CFAP46: variants seen among roughly 807,000 people sequenced by gnomAD.
CFAP46 encodes cilia- and flagella-associated protein 46.
CFAP46 carries 245 observed loss-of-function variants against 325.7 expected under a neutral mutation model. The observed-to-expected ratio is 0.75, with a 90% CI of 0.68 to 0.84. The LOEUF is 0.84. Among genes scored for constraint, CFAP46 ranks in the 40% least tolerant of loss-of-function variants. The pLI is 0.00. For missense variants in CFAP46, 3,346 were observed against 3,543.0 expected, an observed-to-expected ratio of 0.94 and a Z score of 1.41; for synonymous variants, 1,523 against 1,495.9, an observed-to-expected ratio of 1.02 and a Z score of -0.42.
chr10:132,892,542 G>A (rs2135446057), intron 24 of CFAP46, 125 bp from the exon 25 acceptor site: 1 of 824,672 alleles, frequency 1.2e-6, no homozygotes, highest in East Asian at 2.7e-5. Context: ...ATTGCCATAA[G>A]CAGCTGTAAA....
intron 24 of CFAP46, chr10:132,898,617 T>C (rs115900032): frequency 1.9e-5 from 7 of 375,402 alleles, no homozygotes; most frequent in Middle Eastern, 4.3e-4. Context: ...CCCTCTCTCA[T>C]GGCAGGTGGG....
rs1203363714 is a variant in CFAP46, at chr10:132,850,357, C to G, written c.5839G>C (p.Gly1947Arg). The change falls in exon 41 of 58, where the codon GGC (glycine) becomes CGC (arginine). Residue 1947 changes from glycine to arginine, a missense_variant. Transcript: ENST00000368586. ...AGCCGGGCGCGGATCTCCACACAGC[C>G]CACGCTCAGCGGCTGCAGGCTCCCC... ...QLGSLQPLSV[G>R]CVEIRARLLG... The G allele has an allele frequency of 6.4e-7, 1 of 1,563,808 alleles. No homozygotes were observed. The highest frequency in any genetic ancestry group is 8.7e-7 in the Non-Finnish European group (1 of 1,153,916).
rs756585273 is a variant in CFAP46, at chr10:132,857,329, C to T, written c.5574+261G>A. Among the ~76,000 whole-genome samples the T allele has an allele frequency of 8.1e-4, 124 of 152,252 alleles. 2 individuals carry two copies. The highest frequency in any genetic ancestry group is 4.8e-3 in the Admixed American group (74 of 15,288). ...TCCATCCTGTGACTCAGGTCACCAG[C>T]GGACTCCACCTGAGCCGCCGTGGTG... On this transcript the variant is annotated intron_variant, in intron 39 of 57. Coordinates refer to ENST00000368586, the MANE Select transcript of CFAP46 (RefSeq NM_001200049.3).
At position 132,919,451 on chromosome 10, in the gene CFAP46, C is replaced by T. The variant is rs1051841795; in HGVS notation, c.1731-9G>A. ...CTGCCCAAATCTGTATCCTGCTCAC[C>T]GAGAACCCAAACGAGTGAAAGGTGA... is the stretch of plus-strand genomic sequence containing the variant. On this transcript the variant is annotated splice_polypyrimidine_tract_variant and intron_variant, in intron 14 of 57. Coordinates refer to ENST00000368586, the MANE Select transcript of CFAP46 (RefSeq NM_001200049.3). This position sits in a 1 kb window ranked among gnomAD's most constrained non-coding sequence, Gnocchi z 9.7. The T allele has an allele frequency of 6.5e-6, 10 of 1,545,066 alleles. No homozygotes were observed. The highest frequency in any genetic ancestry group is 4.0e-5 in the Admixed American group (2 of 49,774).
At chr10:132,862,318 GGGCCGGA>G (rs1298354532) in intron 35 of CFAP46, among the ~76,000 whole-genome samples, 4 of 152,158 alleles carry the variant, frequency 2.6e-5, no homozygotes, top group African/African-American at 9.7e-5. Context: ...CAGCTACAGT[GGGCCGGA>G]GGCCGGCGAC....
chr10:132,854,404 G>A (rs542530356), intron 39 of CFAP46, among the ~76,000 whole-genome samples: 1 of 152,082 alleles, frequency 6.6e-6, no homozygotes, highest in East Asian at 1.9e-4. Flanking sequence ...TGGCGTGATC[G>A]CCACTCACTG....
chr10:132,835,919 T>G (rs983027897), intron 46 of CFAP46, among the ~76,000 whole-genome samples: 1 of 50,118 alleles, frequency 2.0e-5, no homozygotes, highest in African/African-American at 8.2e-5. Context: ...TCCGCTCCCC[T>G]CCCCCTGCTC....
chr10:132,879,353 A>C (rs1332959904), intron 29 of CFAP46, 73 bp downstream of exon 29: 1 of 1,367,034 alleles, frequency 7.3e-7, no homozygotes, highest in Non-Finnish European at 9.7e-7. Flanking sequence ...TACAACGCTC[A>C]CTGCGGTTTC....
chr10:132,846,207 C>A lies in CFAP46; in HGVS notation c.6288G>T (p.Thr2096=). 6.2e-7 allele frequency: 1 copy of A among 1,611,988 alleles called. No homozygotes were observed. The highest frequency in any genetic ancestry group is 8.5e-7 in the Non-Finnish European group (1 of 1,179,626). ...TGGCTGCAAGCAGGACATCCCTCAT[C>A]GTCTCTGAGGCCGAGCAGCTCTGAA... is the stretch of plus-strand genomic sequence containing the variant. The part of the protein sequence containing the change: ...ALSQSCSASE[T]MRDVLLAATA... Residue 2096 remains threonine (T), a synonymous_variant, in exon 44 of 58, where the codon ACG becomes ACT. Transcript: ENST00000368586.
intron 57 of CFAP46, 69 bp downstream of exon 57, chr10:132,810,340 C>A: frequency 7.6e-7 from 1 of 1,309,218 alleles, no homozygotes. Flanking sequence ...CTGTGCAGTG[C>A]ACGTGCCCCA....
At position 132,833,499 on chromosome 10, in the gene CFAP46, T is replaced by C. The variant is rs897869113; in HGVS notation, c.6976A>G (p.Lys2326Glu). Residue 2326 changes from lysine to glutamate, a missense_variant, in exon 50 of 58, where the codon AAG (lysine) becomes GAG (glutamate). Transcript: ENST00000368586. ...HSTVQPEVAD[K>E]IVLVADRHLL... ...TGTCTGTCTGCGACCAGGACTATCTTATCGGCAACCTCAGGCTGGACTGTG... is the reference window on the plus strand; with the variant it reads ...TGTCTGTCTGCGACCAGGACTATCTCATCGGCAACCTCAGGCTGGACTGTG... 2 of 1,613,990 alleles carry C rather than the reference T, an allele frequency of 1.2e-6. No individual in the cohort carries two copies. Among genetic ancestry groups the C allele is most frequent in the Admixed American group, 1.7e-5 (1 of 60,026 alleles).
Position 132,869,413 on chromosome 10 carries a change from G to A in CFAP46, c.4512-41C>T, listed in dbSNP as rs1490433911. 53 of 1,422,018 alleles carry A rather than the reference G, an allele frequency of 3.7e-5. No homozygotes were observed. Among genetic ancestry groups the A allele is most frequent in the Non-Finnish European group, 4.3e-5 (46 of 1,064,912 alleles). 88.1% of individuals were successfully genotyped at this position (1,422,018 alleles called of 1,614,324 possible). On this transcript the variant is annotated intron_variant, in intron 32 of 57. Coordinates refer to ENST00000368586, the MANE Select transcript of CFAP46 (RefSeq NM_001200049.3). This position sits in a 1 kb window ranked among gnomAD's most constrained non-coding sequence, Gnocchi z 6.2. Reference sequence around the variant, plus strand: ...CCGAAAGAGTCAGTGTTGCACGGGCGCAGAGGGAGCCAGAAACGAAGCTAC... The same window carrying A: ...CCGAAAGAGTCAGTGTTGCACGGGCACAGAGGGAGCCAGAAACGAAGCTAC...
At position 132,817,098 on chromosome 10, in the gene CFAP46, TA is replaced by T. The variant is rs1847709961; in HGVS notation, c.7118-2185del. 6.6e-6 allele frequency among the ~76,000 whole-genome samples: 1 copy of T among 152,242 alleles called. No homozygotes were observed. Among genetic ancestry groups the T allele is most frequent in the South Asian group, 2.1e-4 (1 of 4,834 alleles). Reference sequence around the variant, plus strand: ...TGGACCGTCAGTAATCCAGGCGTGGTAAAATCTCCCAGCGTTGGGGCTGGCC... The same window carrying T: ...TGGACCGTCAGTAATCCAGGCGTGGTAAATCTCCCAGCGTTGGGGCTGGCC... On this transcript the variant is annotated intron_variant, in intron 50 of 57. Coordinates refer to ENST00000368586, the MANE Select transcript of CFAP46 (RefSeq NM_001200049.3). The surrounding 1 kb of genome is among the most constrained non-coding windows in gnomAD (Gnocchi z 4.4).
chr10:132,939,678 T>C lies in CFAP46; in HGVS notation c.372-925A>G, dbSNP rs1418485637. Reference sequence around the variant, plus strand: ...AGGAGAGGAGCGGAGGTGCGGGGTGTCCTGACCAGACGGTCACGCCTGCTT... The same window carrying C: ...AGGAGAGGAGCGGAGGTGCGGGGTGCCCTGACCAGACGGTCACGCCTGCTT... On this transcript the variant is annotated intron_variant, in intron 4 of 57. Coordinates refer to ENST00000368586, the MANE Select transcript of CFAP46 (RefSeq NM_001200049.3). This position sits in a 1 kb window ranked among gnomAD's most constrained non-coding sequence, Gnocchi z 4.6. Among the ~76,000 whole-genome samples the C allele has an allele frequency of 6.6e-6, 1 of 152,036 alleles. No homozygotes were observed. The highest frequency in any genetic ancestry group is 1.5e-5 in the Non-Finnish European group (1 of 68,012).
intron 50 of CFAP46, among the ~76,000 whole-genome samples, chr10:132,822,555 T>A (rs61720706): frequency 1.1e-3 from 148 of 135,012 alleles, no homozygotes; most frequent in South Asian, 0.011. Flanking sequence ...GTGCTGTGTG[T>A]GCGCTGATGT....
At chr10:132,893,618 C>A (rs1289917725) in intron 24 of CFAP46, among the ~76,000 whole-genome samples, 1 of 152,336 alleles carries the variant, frequency 6.6e-6, no homozygotes, top group African/African-American at 2.4e-5. Flanking sequence ...GGCAATGTGA[C>A]AAGGACCCCG....
At chr10:132,873,761 T>C (rs1422018126) in intron 31 of CFAP46, among the ~76,000 whole-genome samples, 4 of 152,150 alleles carry the variant, frequency 2.6e-5, no homozygotes, top group Non-Finnish European at 5.9e-5. Context: ...GTCAATGGAA[T>C]TGATCACTCC....
chr10:132,897,422 G>A (rs996212459), intron 24 of CFAP46, among the ~76,000 whole-genome samples: 6 of 152,180 alleles, frequency 3.9e-5, no homozygotes, highest in Non-Finnish European at 8.8e-5. Context: ...CGTCTGCTAC[G>A]GCCCTCACTG....
At position 132,827,455 on chromosome 10, in the gene CFAP46, C is replaced by T. The variant is rs1051780699; in HGVS notation, c.7117+5903G>A. ...CTTCGCACATGTGCCCTTCTGCAAA[C>T]TTCCGTGACACCGATGCAAATTTGC... On this transcript the variant is annotated intron_variant, in intron 50 of 57. Transcript: ENST00000368586. The surrounding 1 kb of genome is among the most constrained non-coding windows in gnomAD (Gnocchi z 5.7). 6.6e-6 allele frequency among the ~76,000 whole-genome samples: 1 copy of T among 152,064 alleles called. No individual in the cohort carries two copies. The highest frequency in any genetic ancestry group is 2.4e-5 in the African/African-American group (1 of 41,404).
Sources: gnomAD v4.1 joint callset for allele counts (sites outside exome capture counted in the v4.1 genomes callset) on GRCh38, gnomAD v4.1.1 for gene constraint, Gnocchi (gnomAD v3.1) non-coding constraint, MANE v1.5 for transcripts, NCBI Gene and HGNC (gene_info 2026-07-23, HGNC 2026-07-21) for gene names.